The following GCNT2 variants were observed in gnomAD, a reference collection of about 807,000 sequenced individuals.
GCNT2 encodes N-acetyllactosaminide beta-1,6-N-acetylglucosaminyl-transferase.
A neutral mutation model predicts 34.2 loss-of-function variants in GCNT2; 34 were observed. That is an observed-to-expected ratio of 1.00 (90% CI 0.76 to 1.32). The LOEUF is 1.32. Ranked by LOEUF, GCNT2 falls within the 40% of genes most tolerant of loss-of-function variation. GCNT2 has a pLI of 0.00. For synonymous variants in GCNT2, 212 were observed against 188.0 expected (o/e 1.13, Z -1.04); for missense variants, 584 against 489.4 (o/e 1.19, Z -1.82).
chr6:10,606,171 C>T (rs900435222), intron 3 of GCNT2, among the ~76,000 whole-genome samples: 11 of 152,170 alleles, frequency 7.2e-5, no homozygotes, highest in African/African-American at 2.2e-4. Context: ...AAAAATTAGC[C>T]GGGTGTGGTG....
At chr6:10,577,235 AGT>A (rs1285540639) in intron 3 of GCNT2, among the ~76,000 whole-genome samples, 4 of 152,322 alleles carry the variant, frequency 2.6e-5, no homozygotes, top group African/African-American at 9.6e-5. Context: ...GCTGCTGTGC[AGT>A]GTGAGGGGGG....
chr6:10,536,363 CTT>C (rs533801258), intron 3 of GCNT2, among the ~76,000 whole-genome samples: 2 of 145,580 alleles, frequency 1.4e-5, no homozygotes, highest in African/African-American at 2.5e-5. Flanking sequence ...TCAACTTCTT[CTT>C]TTTTTTTTTT....
At chr6:10,616,520 TCTC>T (rs1436309381) in intron 3 of GCNT2, among the ~76,000 whole-genome samples, 2 of 151,968 alleles carry the variant, frequency 1.3e-5, no homozygotes, top group African/African-American at 4.8e-5. Flanking sequence ...ACACAAAAGT[TCTC>T]CACCTCCCCA....
chr6:10,571,360 T>A (rs529940862), intron 3 of GCNT2, among the ~76,000 whole-genome samples: 1 of 151,794 alleles, frequency 6.6e-6, no homozygotes, highest in Non-Finnish European at 1.5e-5. Flanking sequence ...TTATTATTAT[T>A]TTTTGAGACA....
chr6:10,551,596 C>G (rs540350258), intron 3 of GCNT2, among the ~76,000 whole-genome samples: 14 of 152,040 alleles, frequency 9.2e-5, no homozygotes, highest in Admixed American at 2.6e-4. Context: ...CGGCGCCCAC[C>G]ACCATGCCTG....
intron 3 of GCNT2, among the ~76,000 whole-genome samples, chr6:10,597,308 A>G (rs947602033): frequency 1.3e-5 from 2 of 151,856 alleles, no homozygotes; most frequent in Non-Finnish European, 2.9e-5. Context: ...GGTGTGCCCT[A>G]CCATGCCAGG....
chr6:10,617,489 T>C (rs1288134057), intron 3 of GCNT2, among the ~76,000 whole-genome samples: 2 of 152,114 alleles, frequency 1.3e-5, no homozygotes, highest in Non-Finnish European at 2.9e-5. Context: ...GCTGAAGGGC[T>C]CCTCAAGTGG....
intron 3 of GCNT2, chr6:10,586,326 C>T: frequency 3.1e-6 from 5 of 1,614,146 alleles, no homozygotes; most frequent in Non-Finnish European, 4.2e-6. Context: ...CTTTGAAAGG[C>T]TCTTTAGGGC....
Position 10,627,146 on chromosome 6 carries a change from A to AT in GCNT2, c.*544dup, listed in dbSNP as rs945483733. ...CTTGTTTCTGAGTTTCAACACTAGC[A>AT]TTTTTGGCTTACTCATGGACAAAGT... On this transcript the variant is annotated 3_prime_UTR_variant, in exon 5 of 5. Coordinates refer to ENST00000495262, the MANE Select transcript of GCNT2 (RefSeq NM_145649.5). 1 of 160,026 alleles carries AT rather than the reference A, an allele frequency of 6.2e-6. No individual in the cohort carries two copies. The highest frequency in any genetic ancestry group is 1.4e-5 in the Non-Finnish European group (1 of 72,172). 9.9% of individuals were successfully genotyped at this position (160,026 alleles called of 1,614,324 possible).
At chr6:10,553,819 A>G (rs1762578779) in intron 3 of GCNT2, among the ~76,000 whole-genome samples, 1 of 152,246 alleles carries the variant, frequency 6.6e-6, no homozygotes, top group Admixed American at 6.5e-5. Context: ...GCTTGACCCC[A>G]GGAGGTCAAG....
chr6:10,581,193 C>T (rs768688103), intron 3 of GCNT2, among the ~76,000 whole-genome samples: 9 of 152,228 alleles, frequency 5.9e-5, no homozygotes, highest in Non-Finnish European at 1.0e-4. Flanking sequence ...GTCTGTTCAT[C>T]TAAACCACTG....
At chr6:10,604,704 T>G (rs1175681277) in intron 3 of GCNT2, among the ~76,000 whole-genome samples, 1 of 151,250 alleles carries the variant, frequency 6.6e-6, no homozygotes, top group Non-Finnish European at 1.5e-5. Context: ...CTACGAAAAA[T>G]ACAAAAATTA....
At chr6:10,586,384 C>G (rs1315300664) in intron 3 of GCNT2, 3 of 1,614,116 alleles carry the variant, frequency 1.9e-6, no homozygotes, top group Non-Finnish European at 2.5e-6. Context: ...GATGAGAAAG[C>G]CCCAGCTGAG....
intron 3 of GCNT2, among the ~76,000 whole-genome samples, chr6:10,569,273 A>ACACACACACACACACACACACACACC (rs1561806920): frequency 1.2e-4 from 17 of 139,610 alleles, no homozygotes; most frequent in East Asian, 2.1e-4. Flanking sequence ...ACACACACAC[A>ACACACACACACACACACACACACACC]CCCCCTAGGT....
At chr6:10,523,898 G>A (rs985037795) in intron 1 of GCNT2, among the ~76,000 whole-genome samples, 5 of 151,104 alleles carry the variant, frequency 3.3e-5, no homozygotes, top group African/African-American at 7.3e-5. Context: ...GCCTGAACCC[G>A]GGAGGCGGAG....
chr6:10,619,910 T>A (rs1235768757), intron 3 of GCNT2, among the ~76,000 whole-genome samples: 1 of 152,204 alleles, frequency 6.6e-6, no homozygotes, highest in Non-Finnish European at 1.5e-5. Flanking sequence ...TCTTCCCCCA[T>A]CTTCAAACAG....
At chr6:10,556,179 A>G (rs1354877021) in intron 3 of GCNT2, 1 of 1,379,912 alleles carries the variant, frequency 7.2e-7, no homozygotes, top group South Asian at 1.6e-5. Context: ...GCTGGGCTTC[A>G]GCAACCTGCC....
chr6:10,611,635 C>A (rs576655916), intron 3 of GCNT2, among the ~76,000 whole-genome samples: 2 of 152,000 alleles, frequency 1.3e-5, no homozygotes, highest in Non-Finnish European at 2.9e-5. Flanking sequence ...GGCCTATGTA[C>A]TTTGAATTTC....
At chr6:10,531,036 G>A (rs1412314865) in intron 3 of GCNT2, among the ~76,000 whole-genome samples, 1 of 126,476 alleles carries the variant, frequency 7.9e-6, no homozygotes, top group African/African-American at 3.0e-5. Context: ...CGGAGACTCT[G>A]TCTCAAAAAA....
Sources: allele counts gnomAD v4.1 joint callset (sites outside exome capture counted in the v4.1 genomes callset), GRCh38; gene constraint gnomAD v4.1.1; transcripts MANE v1.5; gene names NCBI Gene and HGNC (gene_info 2026-07-23, HGNC 2026-07-21).